The following BIN2 variants were observed in gnomAD, a reference collection of about 807,000 sequenced individuals.
The protein encoded by BIN2 is breast cancer associated protein BRAP1.
In BIN2, 43 loss-of-function variants were observed where a neutral mutation model predicts 67.9. The observed-to-expected ratio is 0.63, with a 90% CI of 0.50 to 0.82. The LOEUF (loss-of-function observed/expected upper bound fraction) is 0.82. BIN2 is among the 40% of genes least tolerant of loss of function. The probability of loss-of-function intolerance (pLI) is 0.00; values close to 1 mark genes in which losing one functional copy is unlikely to be tolerated. For synonymous variants in BIN2, 244 were observed against 246.8 expected, an observed-to-expected ratio of 0.99 and a Z score of 0.11; for missense variants, 581 against 671.6, an observed-to-expected ratio of 0.87 and a Z score of 1.49.
chr12:51,289,738 A>G (rs1008090341), intron 10 of BIN2, among the ~76,000 whole-genome samples: 2 of 151,920 alleles, frequency 1.3e-5, no homozygotes, highest in African/African-American at 4.8e-5. Flanking sequence ...TTTTTGAGAT[A>G]GGGTCTCACT....
At chr12:51,291,236 T>A (rs1355982980) in intron 10 of BIN2, among the ~76,000 whole-genome samples, 1 of 151,808 alleles carries the variant, frequency 6.6e-6, no homozygotes, top group East Asian at 1.9e-4. Flanking sequence ...CATGAAACAA[T>A]CCCCAAAACC....
intron 9 of BIN2, among the ~76,000 whole-genome samples, chr12:51,294,196 T>A (rs567060418): frequency 8.5e-5 from 13 of 152,164 alleles, no homozygotes; most frequent in African/African-American, 3.1e-4. Context: ...TAACAAAAAA[T>A]CTTACAAACA....
chr12:51,291,669 A>G lies in BIN2; in HGVS notation c.1437T>C (p.Pro479=). Residue 479 remains proline, a synonymous_variant, in exon 10 of 13, where the codon CCT becomes CCC. Coordinates refer to ENST00000615107, the MANE Select transcript of BIN2 (RefSeq NM_016293.4). ...PEPPEKPVRT[P]EAKENENIHN... ...GGATGTTTTCATTTTCTTTGGCCTC[A>G]GGAGTTCTTACTGGCTTCTCTGGTG... 9 of 1,613,804 alleles carry G rather than the reference A, an allele frequency of 5.6e-6. No individual in the cohort carries two copies. The highest frequency in any genetic ancestry group is 7.6e-6 in the Non-Finnish European group (9 of 1,179,824).
At position 51,292,208 on chromosome 12, in the gene BIN2, C is replaced by T; in HGVS notation, c.898G>A (p.Ala300Thr). The part of the protein sequence containing the change: ...SESVSATEDL[A>T]PDAAQGEDNS... Reference sequence around the variant, plus strand: ...TCTTCCCCTTGGGCTGCATCAGGTGCCAGATCTTCAGTTGCTGAGACAGAT... The same window carrying T: ...TCTTCCCCTTGGGCTGCATCAGGTGTCAGATCTTCAGTTGCTGAGACAGAT... The change falls in exon 10 of 13, where the codon GCA becomes ACA. Residue 300 changes from alanine to threonine, a missense_variant. Ala to Thr is a moderately conservative substitution (Grantham distance 58). Coordinates refer to ENST00000615107, the MANE Select transcript of BIN2 (RefSeq NM_016293.4). The T allele has an allele frequency of 6.2e-7, 1 of 1,611,450 alleles. No homozygotes were observed. The highest frequency in any genetic ancestry group is 8.5e-7 in the Non-Finnish European group (1 of 1,180,012).
intron 11 of BIN2, among the ~76,000 whole-genome samples, chr12:51,285,434 G>GC (rs1945211511): frequency 6.6e-6 from 1 of 151,740 alleles, no homozygotes; most frequent in Admixed American, 6.6e-5. Context: ...TCCAGCCTGG[G>GC]CAACATAGTG....
intron 11 of BIN2, among the ~76,000 whole-genome samples, chr12:51,285,804 G>C (rs1945224120): frequency 6.6e-6 from 1 of 151,736 alleles, no homozygotes; most frequent in Admixed American, 6.6e-5. Flanking sequence ...TAGAGATGAG[G>C]CTTCACTATG....
chr12:51,299,313 A>G (rs763461767), intron 6 of BIN2, 25 bp from the exon 7 acceptor site: 1 of 1,593,214 alleles, frequency 6.3e-7, no homozygotes, highest in East Asian at 2.2e-5. Context: ...AGACAAGACA[A>G]TCTCCCTCAA....
At chr12:51,299,410 C>G (rs1439441048) in intron 6 of BIN2, 122 bp from the exon 7 acceptor site, 1 of 1,035,580 alleles carries the variant, frequency 9.7e-7, no homozygotes, top group Admixed American at 2.0e-5. Flanking sequence ...CTCTTCTTCC[C>G]CTGACCATGC....
chr12:51,323,910 C>T, intron 1 of BIN2, 112 bp downstream of exon 1: 1 of 1,352,870 alleles, frequency 7.4e-7, no homozygotes, highest in Non-Finnish European at 1.0e-6. Flanking sequence ...TTCTCGTCAG[C>T]CCAGACCCTT....
At chr12:51,284,550 C>T (rs3847855) in intron 12 of BIN2, among the ~76,000 whole-genome samples, 166 bp downstream of exon 12, 138,246 of 152,164 alleles carry the variant, frequency 0.91, 64,278 homozygotes, top group East Asian at 1. Context: ...GGAGATACCA[C>T]GAAGTCCCAG....
At chr12:51,294,073 A>C (rs1199590966) in intron 9 of BIN2, among the ~76,000 whole-genome samples, 1 of 152,236 alleles carries the variant, frequency 6.6e-6, no homozygotes, top group Non-Finnish European at 1.5e-5. Context: ...GCAAAAACCT[A>C]GAAGACAACT....
intron 2 of BIN2, 145 bp from the exon 3 acceptor site, chr12:51,303,286 C>T: frequency 3.6e-6 from 3 of 844,516 alleles, no homozygotes; most frequent in South Asian, 3.1e-5. Context: ...TCAGCCTTTA[C>T]TTTCTTTACC....
chr12:51,313,216 A>AAGGAAGGAAGGAAGGC (rs778527098), intron 2 of BIN2, among the ~76,000 whole-genome samples: 14 of 91,766 alleles, frequency 1.5e-4, no homozygotes, highest in African/African-American at 4.3e-4. Context: ...GGAAGGAAGG[A>AAGGAAGGAAGGAAGGC]AGGAAGGCAG....
chr12:51,324,489 G>A (rs1225709617), upstream of BIN2: 1 of 1,527,060 alleles, frequency 6.5e-7, no homozygotes, highest in Non-Finnish European at 8.7e-7. Flanking sequence ...AATGATGTGG[G>A]TTCCACTCAG....
At chr12:51,294,393 C>G (rs994823271) in intron 9 of BIN2, among the ~76,000 whole-genome samples, 1 of 152,012 alleles carries the variant, frequency 6.6e-6, no homozygotes, top group African/African-American at 2.4e-5. Flanking sequence ...ATGGTGAAAC[C>G]GCGTCTCTAC....
chr12:51,305,998 G>A (rs143106928), intron 2 of BIN2, among the ~76,000 whole-genome samples: 19,001 of 151,494 alleles, frequency 0.13, 1,292 homozygotes, highest in East Asian at 0.22. Context: ...CACCACGCCT[G>A]GCTAATTTTT....
chr12:51,291,297 G>A (rs997129510), intron 10 of BIN2, among the ~76,000 whole-genome samples: 7 of 152,132 alleles, frequency 4.6e-5, no homozygotes, highest in Non-Finnish European at 8.8e-5. Context: ...CCTACATGGA[G>A]GTTATAAAAG....
At position 51,297,177 on chromosome 12, in the gene BIN2, A is replaced by G. The variant is rs1158107743; in HGVS notation, c.603-13T>C. 2.5e-6 allele frequency: 4 copies of G among 1,608,592 alleles called. No homozygotes were observed. The Admixed American group carries it at 6.7e-5, about 27-fold the overall frequency. Reference sequence around the variant, plus strand: ...GCAGCCAATACGACTATTAGGAAGCAAAACCACAAACACATACGAGTAAGG... The same window carrying G: ...GCAGCCAATACGACTATTAGGAAGCGAAACCACAAACACATACGAGTAAGG... On this transcript the variant is annotated splice_polypyrimidine_tract_variant and intron_variant, in intron 7 of 12. Transcript: ENST00000615107.
At chr12:51,303,529 CCCTCACACAGACATTCCTCT>C (rs1199548496) in intron 2 of BIN2, among the ~76,000 whole-genome samples, 1 of 152,168 alleles carries the variant, frequency 6.6e-6, no homozygotes, top group Non-Finnish European at 1.5e-5. Flanking sequence ...TTTCTCTGAA[CCCTCACACAGACATTCCTCT>C]CCTCCCCAAT....
Sources: gnomAD v4.1 joint callset for allele counts (sites outside exome capture counted in the v4.1 genomes callset) on GRCh38, gnomAD v4.1.1 for gene constraint, MANE v1.5 for transcripts, NCBI Gene and HGNC (gene_info 2026-07-23, HGNC 2026-07-21) for gene names.